Variants in ATG10 observed in about 807,000 individuals in gnomAD.
ATG10 encodes autophagy related 10.
Under a neutral mutation model 32.1 loss-of-function variants are expected in ATG10, and 30 were observed. The observed-to-expected ratio is 0.94, with a 90% CI of 0.70 to 1.27. ATG10 has a LOEUF of 1.27. Ranked by LOEUF, ATG10 falls within the 50% of genes most tolerant of loss-of-function variation. ATG10 has a pLI of 0.00. For synonymous variants in ATG10, 87 were observed against 91.5 expected (o/e 0.95, Z 0.28); for missense variants, 233 against 262.3 (o/e 0.89, Z 0.77).
At chr5:82,137,873 C>T (rs947120123) in intron 3 of ATG10, among the ~76,000 whole-genome samples, 1 of 152,220 alleles carries the variant, frequency 6.6e-6, no homozygotes, top group South Asian at 2.1e-4. Context: ...TGTCTCTAAG[C>T]CCCTCACTGG....
intron 3 of ATG10, among the ~76,000 whole-genome samples, chr5:82,156,368 C>G (rs993554236): frequency 6.6e-6 from 1 of 152,104 alleles, no homozygotes; most frequent in Admixed American, 6.5e-5. Flanking sequence ...GTCTTAAAAC[C>G]CATCCCAGAA....
intron 1 of ATG10, among the ~76,000 whole-genome samples, chr5:81,981,089 C>T (rs898428085): frequency 6.6e-5 from 10 of 152,270 alleles, no homozygotes; most frequent in East Asian, 1.9e-4. Flanking sequence ...AGGACTGATA[C>T]GACTTCTCTT....
chr5:82,090,466 A>G (rs1283866675), intron 3 of ATG10, among the ~76,000 whole-genome samples: 3 of 152,226 alleles, frequency 2.0e-5, no homozygotes, highest in Non-Finnish European at 4.4e-5. Context: ...ATTTGAATCA[A>G]TGGCCAGAGA....
At chr5:82,130,829 T>G (rs1321316381) in intron 3 of ATG10, among the ~76,000 whole-genome samples, 2 of 152,128 alleles carry the variant, frequency 1.3e-5, no homozygotes, top group Admixed American at 1.3e-4. Flanking sequence ...TTATCTTTAA[T>G]GAAGGGAATG....
At chr5:82,250,293 CT>C (rs1200347843) in intron 5 of ATG10, among the ~76,000 whole-genome samples, 1 of 152,040 alleles carries the variant, frequency 6.6e-6, no homozygotes, top group Non-Finnish European at 1.5e-5. Flanking sequence ...CCTTGTCGTT[CT>C]GATCTTTGAT....
chr5:82,065,955 A>T (rs1052819503), intron 3 of ATG10, among the ~76,000 whole-genome samples: 1 of 152,092 alleles, frequency 6.6e-6, no homozygotes, highest in Non-Finnish European at 1.5e-5. Context: ...TAGAGAGACT[A>T]GAGTTGAGAA....
chr5:81,983,244 C>CG (rs1221529642), intron 1 of ATG10, among the ~76,000 whole-genome samples: 3 of 150,030 alleles, frequency 2.0e-5, no homozygotes, highest in African/African-American at 7.3e-5. Flanking sequence ...GACCCCCCCC[C>CG]CCACCTCCCT....
intron 2 of ATG10, among the ~76,000 whole-genome samples, chr5:82,048,927 G>A (rs565870427): frequency 0.012 from 1,747 of 151,706 alleles, 25 homozygotes; most frequent in African/African-American, 0.041. Flanking sequence ...TGGAGAAATA[G>A]GAACACTTTT....
chr5:82,221,033 A>G (rs951110605), intron 5 of ATG10, among the ~76,000 whole-genome samples: 8 of 152,206 alleles, frequency 5.3e-5, no homozygotes, highest in African/African-American at 1.9e-4. Flanking sequence ...CTGGGATGAC[A>G]GGCATGAGCC....
chr5:81,973,930 G>A (rs1006585280), intron 1 of ATG10, among the ~76,000 whole-genome samples: 2 of 152,152 alleles, frequency 1.3e-5, no homozygotes, highest in Non-Finnish European at 2.9e-5. Context: ...TATTTCCCTT[G>A]TCTCCTGTTT....
intron 3 of ATG10, among the ~76,000 whole-genome samples, chr5:82,075,856 A>T (rs150734043): frequency 6.6e-6 from 1 of 152,128 alleles, no homozygotes; most frequent in Non-Finnish European, 1.5e-5. Flanking sequence ...AATCACTTGA[A>T]CCTGGGAAGC....
intron 1 of ATG10, among the ~76,000 whole-genome samples, chr5:81,983,172 C>T (rs546416054): frequency 7.5e-4 from 113 of 149,928 alleles, no homozygotes; most frequent in Middle Eastern, 3.4e-3. Flanking sequence ...GGCGGCTGGC[C>T]GGGCGGGGGA....
intron 2 of ATG10, among the ~76,000 whole-genome samples, chr5:82,043,333 G>C (rs1369107310): frequency 6.6e-6 from 1 of 152,216 alleles, no homozygotes; most frequent in African/African-American, 2.4e-5. Flanking sequence ...AGAGCAGTGG[G>C]GCCCTGGGCC....
Position 82,095,814 on chromosome 5 carries a change from C to T in ATG10, c.216+37212C>T, listed in dbSNP as rs530424145. On this transcript the variant is annotated intron_variant, in intron 3 of 7. Transcript: ENST00000282185. ...TCATATTTCTCTCTTTCTTACCACC[C>T]CTTTACTCCTAGGGATAAGCTGGCT... is the stretch of plus-strand genomic sequence containing the variant. 3.3e-5 allele frequency among the ~76,000 whole-genome samples: 5 copies of T among 152,224 alleles called. No homozygotes were observed. The South Asian group carries it at 1.0e-3, about 32-fold the overall frequency.
chr5:82,179,212 A>T (rs1384445118), intron 5 of ATG10, among the ~76,000 whole-genome samples: 3 of 152,142 alleles, frequency 2.0e-5, no homozygotes, highest in African/African-American at 7.2e-5. Context: ...AAGTCTAAAA[A>T]TTGTTAAGCT....
intron 2 of ATG10, among the ~76,000 whole-genome samples, chr5:81,990,094 T>C (rs1252629786): frequency 1.3e-5 from 2 of 152,216 alleles, no homozygotes; most frequent in Non-Finnish European, 2.9e-5. Flanking sequence ...GTTTTTTAAA[T>C]TGACTTCTTT....
intron 3 of ATG10, among the ~76,000 whole-genome samples, chr5:82,094,697 G>A (rs576120020): frequency 1.3e-5 from 2 of 152,034 alleles, no homozygotes; most frequent in Non-Finnish European, 2.9e-5. Context: ...GTTAATTTTT[G>A]CATATGCAAA....
At chr5:82,175,315 A>G (rs1215662517) in intron 4 of ATG10, among the ~76,000 whole-genome samples, 1 of 152,114 alleles carries the variant, frequency 6.6e-6, no homozygotes, top group African/African-American at 2.4e-5. Context: ...TTCCCTATAT[A>G]GCCACATTTT....
intron 5 of ATG10, among the ~76,000 whole-genome samples, chr5:82,210,474 A>C (rs1745452168): frequency 6.6e-6 from 1 of 152,198 alleles, no homozygotes; most frequent in Non-Finnish European, 1.5e-5. Flanking sequence ...TGTGTTTACC[A>C]GGGCTCCTCT....
Sources: gnomAD v4.1 joint callset for allele counts (sites outside exome capture counted in the v4.1 genomes callset) on GRCh38, gnomAD v4.1.1 for gene constraint, MANE v1.5 for transcripts, NCBI Gene and HGNC (gene_info 2026-07-23, HGNC 2026-07-21) for gene names.